Variants in ZNF865 observed in about 807,000 individuals in gnomAD.
ZNF865 encodes the protein zinc finger protein 865.
For synonymous variants in ZNF865, 763 were observed against 750.8 expected (o/e 1.02, Z -0.27); for missense variants, 1,311 against 1,593.4 (o/e 0.82, Z 3.02).
chr19:55,614,068 G>T lies in ZNF865; in HGVS notation c.450G>T (p.Val150=). ...TCCCCACTCCGCAGTGGGGCATCGT[G>T]GACCTCTCGGGGCACCAGCACTTGT... ...AAFPTPQWGI[V]DLSGHQHLFG... The change falls in exon 2 of 2, where the codon GTG becomes GTT. Residue 150 remains valine (V), a synonymous_variant. Transcript: ENST00000568956. The surrounding 1 kb of genome is among the most constrained non-coding windows in gnomAD (Gnocchi z 8.0). 1 of 1,452,760 alleles carries T rather than the reference G, an allele frequency of 6.9e-7. No individual in the cohort carries two copies. 90.0% of individuals were successfully genotyped at this position (1,452,760 alleles called of 1,614,324 possible).
At position 55,613,936 on chromosome 19, in the gene ZNF865, C is replaced by T. The variant is rs1383504687; in HGVS notation, c.318C>T (p.Ser106=). 6.5e-7 allele frequency: 1 copy of T among 1,532,312 alleles called. No homozygotes were observed. Among genetic ancestry groups the T allele is most frequent in the Admixed American group, 2.0e-5 (1 of 50,742 alleles). 94.9% of individuals were successfully genotyped at this position (1,532,312 alleles called of 1,614,324 possible). The change falls in exon 2 of 2, where the codon TCC becomes TCT. Residue 106 remains serine (S), a synonymous_variant. Transcript: ENST00000568956. Reference sequence around the variant, plus strand: ...CGTCCTCCTCCTCCTCCTCTTCGTCCTCCTCGTCGTCATCTTCGTCCTCTT... The same window carrying T: ...CGTCCTCCTCCTCCTCCTCTTCGTCTTCCTCGTCGTCATCTTCGTCCTCTT... ...SSSSSSSSSS[S]SSSSSSSSSS... is the part of the protein sequence containing the mutation.
chr19:55,615,105 C>T lies in ZNF865; in HGVS notation c.1487C>T (p.Pro496Leu), dbSNP rs961106557. The change falls in exon 2 of 2, where the codon CCC becomes CTC. Residue 496 changes from proline (P) to leucine (L), a missense_variant. Pro to Leu is a moderately conservative substitution (Grantham distance 98). Coordinates refer to ENST00000568956, the MANE Select transcript of ZNF865 (RefSeq NM_001195605.2). Reference sequence around the variant, plus strand: ...CCCCCGGGCCCGTACCTCCTGCCCCCCGACCCTCCCACCACAGACAGCGAG... The same window carrying T: ...CCCCCGGGCCCGTACCTCCTGCCCCTCGACCCTCCCACCACAGACAGCGAG... The part of the protein sequence containing the change: ...TFPPGPYLLP[P>L]DPPTTDSEKA... 261 of 1,204,156 alleles carry T rather than the reference C, an allele frequency of 2.2e-4. No homozygotes were observed. The highest frequency in any genetic ancestry group is 2.6e-4 in the Non-Finnish European group (248 of 968,640). The allele number at this position is 1,204,156 out of a possible 1,614,324, so 74.6% of individuals were successfully genotyped here.
intron 1 of ZNF865, among the ~76,000 whole-genome samples, chr19:55,608,091 G>A (rs1266675857): frequency 3.3e-5 from 5 of 152,178 alleles, no homozygotes; most frequent in Admixed American, 2.6e-4. Flanking sequence ...GGGAGATGAG[G>A]ATGTGGGCCT....
chr19:55,613,606 C>G lies in ZNF865; in HGVS notation c.-13C>G, dbSNP rs1290091373. 2.7e-6 allele frequency: 4 copies of G among 1,504,456 alleles called. No homozygotes were observed. Among genetic ancestry groups the G allele is most frequent in the Non-Finnish European group, 3.5e-6 (4 of 1,131,352 alleles). The allele number at this position is 1,504,456 out of a possible 1,614,324, so 93.2% of individuals were successfully genotyped here. A position where few individuals can be genotyped will look rare whatever the true frequency, so the allele number is the denominator to read the frequency against. Reference sequence around the variant, plus strand: ...TCCTCTTCACAGGGTCTCCCGTCTCCCACCCGCCGGAGATGGAGGCGAACC... The same window carrying G: ...TCCTCTTCACAGGGTCTCCCGTCTCGCACCCGCCGGAGATGGAGGCGAACC... On this transcript the variant is annotated 5_prime_UTR_variant, in exon 2 of 2. Coordinates refer to ENST00000568956, the MANE Select transcript of ZNF865 (RefSeq NM_001195605.2).
At position 55,615,064 on chromosome 19, in the gene ZNF865, G is replaced by A. The variant is rs1028133227; in HGVS notation, c.1446G>A (p.Gln482=). 3 of 1,217,448 alleles carry A rather than the reference G, an allele frequency of 2.5e-6. No homozygotes were observed. The highest frequency in any genetic ancestry group is 1.7e-5 in the African/African-American group (1 of 60,424). The allele number at this position is 1,217,448 out of a possible 1,614,324, so 75.4% of individuals were successfully genotyped here. ...AGGACGGGGCGGCCTCGGCCCCGCA[G>A]CCCCCGCCCACCTTCCCCCCGGGCC... ...APKDGAASAP[Q]PPPTFPPGPY... is the part of the protein sequence containing the mutation. The change falls in exon 2 of 2, where the codon CAG becomes CAA. Residue 482 remains glutamine (Q), a synonymous_variant. Coordinates refer to ENST00000568956, the MANE Select transcript of ZNF865 (RefSeq NM_001195605.2).
At position 55,614,180 on chromosome 19, in the gene ZNF865, C is replaced by A; in HGVS notation, c.562C>A (p.Pro188Thr). Residue 188 changes from proline (P) to threonine (T), a missense_variant, in exon 2 of 2, where the codon CCT becomes ACT. Transcript: ENST00000568956. This position sits in a 1 kb window ranked among gnomAD's most constrained non-coding sequence, Gnocchi z 8.0. The stretch of plus-strand genomic sequence containing the variant: ...TCCCGCGGGGGCCCCAGGGCCGCTT[C>A]CTGCCCCCTCGCAGACCCCGCCAGG... ...GAPAGAPGPL[P>T]APSQTPPGPP... is the part of the protein sequence containing the mutation. 6.7e-7 allele frequency: 1 copy of A among 1,488,076 alleles called. No homozygotes were observed. 92.2% of individuals were successfully genotyped at this position (1,488,076 alleles called of 1,614,324 possible). A position where few individuals can be genotyped will look rare whatever the true frequency, so the allele number is the denominator to read the frequency against.
In ZNF865 at chr19:55,614,610, C is replaced by A. The variant is rs573846636; in HGVS notation, c.992C>A (p.Ala331Asp). 559 of 1,526,352 alleles carry A rather than the reference C, an allele frequency of 3.7e-4. 11 individuals are homozygous for A. The South Asian group carries it at 6.5e-3, about 18-fold the overall frequency. The allele number at this position is 1,526,352 out of a possible 1,614,324, so 94.6% of individuals were successfully genotyped here. Residue 331 changes from alanine to aspartate, a missense_variant, in exon 2 of 2, where the codon GCC (alanine) becomes GAC (aspartate). Ala to Asp is a moderately radical substitution (Grantham distance 126, BLOSUM62 -2). Transcript: ENST00000568956. The surrounding 1 kb of genome is among the most constrained non-coding windows in gnomAD (Gnocchi z 8.0). ...VAPAPSADGS[A>D]APAGVGVPPP... ...CCTGCCCCCTCCGCAGACGGGAGCG[C>A]CGCCCCTGCTGGTGTTGGGGTGCCC... is the stretch of plus-strand genomic sequence containing the variant.
At position 55,615,965 on chromosome 19, in the gene ZNF865, G is replaced by A. The variant is rs1291571306; in HGVS notation, c.2347G>A (p.Gly783Arg). 6 of 1,513,148 alleles carry A rather than the reference G, an allele frequency of 4.0e-6. No individual in the cohort carries two copies. Among genetic ancestry groups the A allele is most frequent in the Middle Eastern group, 1.9e-4 (1 of 5,390 alleles). 93.7% of individuals were successfully genotyped at this position (1,513,148 alleles called of 1,614,324 possible). ...AGGAAVAGAG[G>R]GASSGPERFS... ...CGGGGCGGCGGTGGCAGGTGCTGGC[G>A]GGGGTGCCAGTTCCGGCCCCGAGCG... Residue 783 changes from glycine (G) to arginine (R), a missense_variant, in exon 2 of 2, where the codon GGG (glycine) becomes AGG (arginine). Transcript: ENST00000568956.
At position 55,615,716 on chromosome 19, in the gene ZNF865, G is replaced by A. The variant is rs1157591079; in HGVS notation, c.2098G>A (p.Asp700Asn). ...VHMAEKPYGCDACGKTFGFIE... is the reference protein window; with the variant it reads ...VHMAEKPYGCNACGKTFGFIE... ...CATGGCAGAGAAGCCATACGGCTGC[G>A]ACGCCTGCGGCAAGACCTTCGGCTT... The change falls in exon 2 of 2, where the codon GAC becomes AAC. Residue 700 changes from aspartate (D) to asparagine (N), a missense_variant. Physicochemically the swap from Asp to Asn is conservative, Grantham distance 23 (BLOSUM62 1). Coordinates refer to ENST00000568956, the MANE Select transcript of ZNF865 (RefSeq NM_001195605.2). 2 of 1,534,018 alleles carry A rather than the reference G, an allele frequency of 1.3e-6. No individual in the cohort carries two copies. Among genetic ancestry groups the A allele is most frequent in the African/African-American group, 1.4e-5 (1 of 72,826 alleles).
At chr19:55,607,550 G>A (rs764767218) in intron 1 of ZNF865, among the ~76,000 whole-genome samples, 1 of 151,892 alleles carries the variant, frequency 6.6e-6, no homozygotes. Context: ...GTTCGAGGCT[G>A]CAGTGAAAAA....
At position 55,614,529 on chromosome 19, in the gene ZNF865, C is replaced by T; in HGVS notation, c.911C>T (p.Ala304Val). 1 of 1,358,724 alleles carries T rather than the reference C, an allele frequency of 7.4e-7. No homozygotes were observed. The highest frequency in any genetic ancestry group is 1.7e-5 in the South Asian group (1 of 58,594). 84.2% of individuals were successfully genotyped at this position (1,358,724 alleles called of 1,614,324 possible). The change falls in exon 2 of 2, where the codon GCC becomes GTC. Residue 304 changes from alanine (A) to valine (V), a missense_variant. Ala to Val is a moderately conservative substitution (Grantham distance 64, BLOSUM62 0). Coordinates refer to ENST00000568956, the MANE Select transcript of ZNF865 (RefSeq NM_001195605.2). This position sits in a 1 kb window ranked among gnomAD's most constrained non-coding sequence, Gnocchi z 8.0. ...CTCCCAGCACCCGCTGCCAGCGCCG[C>T]CACCGCCGCCGCCCCCTCCACGGTG... ...LGLPAPAASA[A>V]TAAAPSTVSS...
Position 55,615,388 on chromosome 19 carries a change from C to A in ZNF865, c.1770C>A (p.Ser590=). The A allele has an allele frequency of 6.7e-7, 1 of 1,499,010 alleles. No individual in the cohort carries two copies. The highest frequency in any genetic ancestry group is 2.3e-5 in the Admixed American group (1 of 44,390). The allele number at this position is 1,499,010 out of a possible 1,614,324, so 92.9% of individuals were successfully genotyped here. ...CPVCGKRFRE[S]FHLSKHHVVH... is the part of the protein sequence containing the mutation. Reference sequence around the variant, plus strand: ...TGTGTGGGAAGCGCTTCCGCGAATCCTTCCACTTGAGCAAGCATCACGTGG... The same window carrying A: ...TGTGTGGGAAGCGCTTCCGCGAATCATTCCACTTGAGCAAGCATCACGTGG... Residue 590 remains serine, a synonymous_variant, in exon 2 of 2, where the codon TCC becomes TCA. Coordinates refer to ENST00000568956, the MANE Select transcript of ZNF865 (RefSeq NM_001195605.2).
chr19:55,614,566 TC>T lies in ZNF865; in HGVS notation c.950del (p.Pro317GlnfsTer77). 6.7e-7 allele frequency: 1 copy of T among 1,486,788 alleles called. No individual in the cohort carries two copies. The highest frequency in any genetic ancestry group is 8.9e-7 in the Non-Finnish European group (1 of 1,126,014). The allele number at this position is 1,486,788 out of a possible 1,614,324, so 92.1% of individuals were successfully genotyped here. On this transcript the variant is annotated frameshift_variant, in exon 2 of 2. Transcript: ENST00000568956. LOFTEE classifies it low-confidence loss of function (END_TRUNC). This position sits in a 1 kb window ranked among gnomAD's most constrained non-coding sequence, Gnocchi z 8.0. ...CCCCCTCCACGGTGTCCTCGGGCCC[TC>T]CAGCCACGCCCGTGGCGCCTGCCCC... ...AAPSTVSSGP[P>X]ATPVAPAPSA...
Position 55,616,872 on chromosome 19 carries a change from T to TG in ZNF865, c.*74_*75insG. On this transcript the variant is annotated 3_prime_UTR_variant, in exon 2 of 2. Transcript: ENST00000568956. ...CACCTCCCAGGACTGATCAGACTCT[T>TG]CCCCCCTCCTCGCTGTTGCCCCATC... 1 of 1,359,438 alleles carries TG rather than the reference T, an allele frequency of 7.4e-7. No homozygotes were observed. Among genetic ancestry groups the TG allele is most frequent in the Middle Eastern group, 2.7e-4 (1 of 3,766 alleles). 84.2% of individuals were successfully genotyped at this position (1,359,438 alleles called of 1,614,324 possible).
intron 1 of ZNF865, among the ~76,000 whole-genome samples, chr19:55,607,226 G>GGGTA (rs1173073413): frequency 6.6e-6 from 1 of 152,056 alleles, no homozygotes; most frequent in Non-Finnish European, 1.5e-5. Flanking sequence ...TTTACATTGG[G>GGGTA]GGTACAACAG....
At chr19:55,613,171 G>A in intron 1 of ZNF865, 1 of 162,518 alleles carries the variant, frequency 6.2e-6, no homozygotes, top group Non-Finnish European at 1.3e-5. Flanking sequence ...GGTGGAGGCT[G>A]GAGGATGGCG....
In ZNF865 at chr19:55,613,786, G is replaced by T; in HGVS notation, c.168G>T (p.Ala56=). 1 of 1,531,744 alleles carries T rather than the reference G, an allele frequency of 6.5e-7. No homozygotes were observed. Among genetic ancestry groups the T allele is most frequent in the Non-Finnish European group, 8.7e-7 (1 of 1,144,820 alleles). The allele number at this position is 1,531,744 out of a possible 1,614,324, so 94.9% of individuals were successfully genotyped here. A position where few individuals can be genotyped will look rare whatever the true frequency, so the allele number is the denominator to read the frequency against. Residue 56 remains alanine (A), a synonymous_variant, in exon 2 of 2, where the codon GCG becomes GCT. Coordinates refer to ENST00000568956, the MANE Select transcript of ZNF865 (RefSeq NM_001195605.2). The part of the protein sequence containing the change: ...ELYGEHAKAV[A]ALPCAPGPPP... ...ATGGGGAACACGCCAAGGCGGTGGC[G>T]GCCCTGCCCTGCGCCCCCGGCCCCC...
At position 55,613,916 on chromosome 19, in the gene ZNF865, T is replaced by A; in HGVS notation, c.298T>A (p.Ser100Thr). ...EVPSSSSSSS[S>T]SSSSSSSSSS... ...GCCCTCCTCGTCCTCGTCCTCGTCC[T>A]CCTCCTCCTCCTCTTCGTCCTCCTC... The change falls in exon 2 of 2, where the codon TCC (serine) becomes ACC (threonine). Residue 100 changes from serine (S) to threonine (T), a missense_variant. Physicochemically the swap from Ser to Thr is moderately conservative, Grantham distance 58 (BLOSUM62 1). Transcript: ENST00000568956. 1 of 1,521,246 alleles carries A rather than the reference T, an allele frequency of 6.6e-7. No individual in the cohort carries two copies. Among genetic ancestry groups the A allele is most frequent in the Non-Finnish European group, 8.8e-7 (1 of 1,136,418 alleles). The allele number at this position is 1,521,246 out of a possible 1,614,324, so 94.2% of individuals were successfully genotyped here.
chr19:55,612,250 G>T (rs978949162), intron 1 of ZNF865, among the ~76,000 whole-genome samples: 6 of 152,088 alleles, frequency 3.9e-5, no homozygotes, highest in Non-Finnish European at 8.8e-5. Flanking sequence ...TCCCAGTGGA[G>T]ATGGGATTTG....
Sources: allele counts gnomAD v4.1 joint callset (sites outside exome capture counted in the v4.1 genomes callset), GRCh38; gene constraint gnomAD v4.1.1; non-coding constraint Gnocchi (gnomAD v3.1); transcripts MANE v1.5; gene names NCBI Gene and HGNC (gene_info 2026-07-23, HGNC 2026-07-21).